The following SOCS5 variants were observed in gnomAD, a reference collection of about 807,000 sequenced individuals.
SOCS5 encodes the protein suppressor of cytokine signaling 5, also known as CIS-6.
In SOCS5, 32 loss-of-function variants were observed where a neutral mutation model predicts 42.8. The ratio of observed to expected loss-of-function variants is 0.75; its 90% CI spans 0.56 to 1.01. The LOEUF (loss-of-function observed/expected upper bound fraction) is 1.01. Ranked by LOEUF, SOCS5 falls within the 50% of genes least tolerant of loss-of-function variation. SOCS5 has a pLI of 0.00. For missense variants in SOCS5, 627 were observed against 653.0 expected (o/e 0.96, Z 0.43); for synonymous variants, 283 against 229.6 (o/e 1.23, Z -2.10).
At chr2:46,735,609 G>T (rs1310084553) in intron 1 of SOCS5, among the ~76,000 whole-genome samples, 1 of 151,788 alleles carries the variant, frequency 6.6e-6, no homozygotes, top group Admixed American at 6.6e-5. Context: ...AACAGAGACT[G>T]TGTTTTTCAT....
In SOCS5 at chr2:46,760,444, G is replaced by C. The variant is rs1395552018; in HGVS notation, c.*303G>C. 3.6e-6 allele frequency: 1 copy of C among 276,618 alleles called. No individual in the cohort carries two copies. Among genetic ancestry groups the C allele is most frequent in the Non-Finnish European group, 7.2e-6 (1 of 138,558 alleles). The allele number at this position is 276,618 out of a possible 1,614,324, so 17.1% of individuals were successfully genotyped here. ...GCAACTCTGGGGCATTTGTTATGAA[G>C]AATTCTATTTCTTACTGAAGAACAA... On this transcript the variant is annotated 3_prime_UTR_variant, in exon 2 of 2. Transcript: ENST00000394861.
rs770568483 is a variant in SOCS5, at chr2:46,760,174, C to G, written c.*33C>G. Reference sequence around the variant, plus strand: ...GGTCCCCAAAGGTTGTTAACTAGGTCCGCTTTCATGTGCATCAGACAGTAC... The same window carrying G: ...GGTCCCCAAAGGTTGTTAACTAGGTGCGCTTTCATGTGCATCAGACAGTAC... On this transcript the variant is annotated 3_prime_UTR_variant, in exon 2 of 2. Coordinates refer to ENST00000394861, the MANE Select transcript of SOCS5 (RefSeq NM_144949.3). 1 of 1,529,166 alleles carries G rather than the reference C, an allele frequency of 6.5e-7. No individual in the cohort carries two copies. Among genetic ancestry groups the G allele is most frequent in the South Asian group, 1.2e-5 (1 of 83,904 alleles). The allele number at this position is 1,529,166 out of a possible 1,614,324, so 94.7% of individuals were successfully genotyped here. A position where few individuals can be genotyped will look rare whatever the true frequency, so the allele number is the denominator to read the frequency against.
intron 1 of SOCS5, among the ~76,000 whole-genome samples, chr2:46,727,226 G>T (rs1673018468): frequency 7.2e-6 from 1 of 138,860 alleles, no homozygotes; most frequent in Non-Finnish European, 1.5e-5. Context: ...TCAGCTCACT[G>T]CAAGCTCCGC....
At chr2:46,720,151 T>C (rs1239822993) in intron 1 of SOCS5, among the ~76,000 whole-genome samples, 1 of 152,192 alleles carries the variant, frequency 6.6e-6, no homozygotes, top group Admixed American at 6.5e-5. Context: ...TTGTACCTCA[T>C]AGGATTATTG....
rs771795223 is a variant in SOCS5, at chr2:46,760,050, C to T, written c.1520C>T (p.Pro507Leu). 1.9e-6 allele frequency: 3 copies of T among 1,613,964 alleles called. No homozygotes were observed. Among genetic ancestry groups the T allele is most frequent in the Non-Finnish European group, 2.5e-6 (3 of 1,179,914 alleles). The change falls in exon 2 of 2, where the codon CCC becomes CTC. Residue 507 changes from proline to leucine, a missense_variant. By Grantham distance (98) the Pro-to-Leu change is moderately conservative. Around this residue, in one of 3 missense-constraint regions of SOCS5, gnomAD observed 340 missense variants for 367.6 expected, o/e 0.92. Coordinates refer to ENST00000394861, the MANE Select transcript of SOCS5 (RefSeq NM_144949.3). ...GATGGAATTGATGGGCTCCCTCTAC[C>T]CTCAATGTTACAGGATTTTTTAAAA... ...TYDGIDGLPL[P>L]SMLQDFLKEY...
In SOCS5 at chr2:46,761,766, T is replaced by G. The variant is rs764745339; in HGVS notation, c.*1625T>G. The G allele has an allele frequency of 1.1e-4, 19 of 166,546 alleles. No homozygotes were observed. Among genetic ancestry groups the G allele is most frequent in the Non-Finnish European group, 1.8e-4 (12 of 68,096 alleles). The allele number at this position is 166,546 out of a possible 1,614,324, so 10.3% of individuals were successfully genotyped here. On this transcript the variant is annotated 3_prime_UTR_variant, in exon 2 of 2. Coordinates refer to ENST00000394861, the MANE Select transcript of SOCS5 (RefSeq NM_144949.3). Reference sequence around the variant, plus strand: ...TTATCAGAATAAGCTAACTCTAAATTTAATGCTCTACATCTTATCAGTCAT... The same window carrying G: ...TTATCAGAATAAGCTAACTCTAAATGTAATGCTCTACATCTTATCAGTCAT...
chr2:46,759,692 C>T lies in SOCS5; in HGVS notation c.1162C>T (p.Arg388Cys). 2 of 1,614,062 alleles carry T rather than the reference C, an allele frequency of 1.2e-6. No individual in the cohort carries two copies. The highest frequency in any genetic ancestry group is 1.7e-6 in the Non-Finnish European group (2 of 1,179,994). The change falls in exon 2 of 2, where the codon CGT becomes TGT. Residue 388 changes from arginine to cysteine, a missense_variant. Coordinates refer to ENST00000394861, the MANE Select transcript of SOCS5 (RefSeq NM_144949.3). ...GNPCYWGVMD[R>C]YEAEALLEGK... ...TCCCTGTTACTGGGGAGTGATGGAC[C>T]GTTATGAAGCAGAAGCCCTTCTCGA... is the stretch of plus-strand genomic sequence containing the variant.
At chr2:46,701,298 A>T (rs1195094291) in intron 1 of SOCS5, among the ~76,000 whole-genome samples, 1 of 152,244 alleles carries the variant, frequency 6.6e-6, no homozygotes, top group Non-Finnish European at 1.5e-5. Context: ...AGTAAGACTC[A>T]CTGGCTGTGA....
Position 46,729,655 on chromosome 2 carries a change from A to G in SOCS5, c.-12-28864A>G, listed in dbSNP as rs151193238. Among the ~76,000 whole-genome samples, 470 of 152,348 alleles carry G rather than the reference A, an allele frequency of 3.1e-3. 2 individuals are homozygous for G. Among genetic ancestry groups the G allele is most frequent in the African/African-American group, 0.011 (451 of 41,576 alleles). On this transcript the variant is annotated intron_variant, in intron 1 of 1. Transcript: ENST00000394861. ...GGCACTTGTTTTGAATGGAGCTTGCAGGACTGGAAGTTGCCGTGGGTGAGT... is the reference window on the plus strand; with the variant it reads ...GGCACTTGTTTTGAATGGAGCTTGCGGGACTGGAAGTTGCCGTGGGTGAGT...
At chr2:46,746,479 G>T (rs765012609) in intron 1 of SOCS5, among the ~76,000 whole-genome samples, 11 of 151,946 alleles carry the variant, frequency 7.2e-5, no homozygotes, top group African/African-American at 2.4e-4. Context: ...GTGAAAACCC[G>T]TCTCTAGTAA....
intron 1 of SOCS5, among the ~76,000 whole-genome samples, chr2:46,731,568 G>A (rs116002388): frequency 3.3e-5 from 5 of 152,336 alleles, no homozygotes; most frequent in Non-Finnish European, 7.3e-5. Context: ...TGATTCTTAT[G>A]ACACAGATAT....
At chr2:46,753,916 G>A (rs988589961) in intron 1 of SOCS5, among the ~76,000 whole-genome samples, 1 of 152,170 alleles carries the variant, frequency 6.6e-6, no homozygotes, top group Non-Finnish European at 1.5e-5. Flanking sequence ...GAGCAGTGAG[G>A]ACGACCAGAG....
At chr2:46,703,637 T>C (rs973491) in intron 1 of SOCS5, among the ~76,000 whole-genome samples, 21,696 of 152,180 alleles carry the variant, frequency 0.14, 2,123 homozygotes, top group East Asian at 0.43. Context: ...GTTTTCTTTA[T>C]ACATTTAAAG....
intron 1 of SOCS5, among the ~76,000 whole-genome samples, chr2:46,735,753 C>A (rs1673229183): frequency 6.6e-6 from 1 of 151,710 alleles, no homozygotes. Flanking sequence ...ATTTAAATAC[C>A]CATGTGTACA....
intron 1 of SOCS5, among the ~76,000 whole-genome samples, chr2:46,714,224 G>T (rs1286134538): frequency 1.3e-5 from 2 of 152,172 alleles, no homozygotes; most frequent in African/African-American, 4.8e-5. Context: ...GTCAACTATT[G>T]TGAGAGGAGG....
intron 1 of SOCS5, among the ~76,000 whole-genome samples, chr2:46,720,067 A>G (rs1387375254): frequency 6.6e-6 from 1 of 152,208 alleles, no homozygotes; most frequent in Non-Finnish European, 1.5e-5. Context: ...TTCACTGATC[A>G]GAGCATGTTG....
chr2:46,725,220 T>A (rs1184058410), intron 1 of SOCS5, among the ~76,000 whole-genome samples: 1 of 152,136 alleles, frequency 6.6e-6, no homozygotes, highest in Admixed American at 6.5e-5. Context: ...TATATCTTTT[T>A]TCATCCTTTT....
At chr2:46,719,621 T>A (rs915620055) in intron 1 of SOCS5, among the ~76,000 whole-genome samples, 3 of 152,216 alleles carry the variant, frequency 2.0e-5, no homozygotes, top group African/African-American at 7.2e-5. Context: ...GACGTCTGTA[T>A]CCCTGGCATC....
intron 1 of SOCS5, among the ~76,000 whole-genome samples, chr2:46,735,479 C>A (rs1673222696): frequency 6.6e-6 from 1 of 152,142 alleles, no homozygotes; most frequent in Non-Finnish European, 1.5e-5. Flanking sequence ...GGACAATTGG[C>A]AGTCTGCCAC....
Sources: allele counts gnomAD v4.1 joint callset (sites outside exome capture counted in the v4.1 genomes callset), GRCh38; gene constraint gnomAD v4.1.1; regional missense constraint gnomAD v4.1.1; transcripts MANE v1.5; gene names NCBI Gene and HGNC (gene_info 2026-07-23, HGNC 2026-07-21).